Variants in ATRNL1 observed in about 807,000 individuals in gnomAD.
ATRNL1 encodes the protein attractin like 1.
ATRNL1 carries 95 observed loss-of-function variants against 182.7 expected under a neutral mutation model. The observed-to-expected ratio is 0.52, with a 90% CI of 0.44 to 0.62. The LOEUF (loss-of-function observed/expected upper bound fraction) is 0.62, where lower values mean the gene tolerates loss of function less well. ATRNL1 is among the 20% of genes least tolerant of loss of function. The pLI, the probability that ATRNL1 is intolerant of heterozygous loss-of-function variation, is 0.00. For missense variants in ATRNL1, 1,471 were observed against 1,679.5 expected (o/e 0.88, Z 2.17); for synonymous variants, 576 against 568.3 (o/e 1.01, Z -0.19).
intron 26 of ATRNL1, among the ~76,000 whole-genome samples, chr10:115,666,430 C>T (rs1406724665): frequency 5.3e-5 from 8 of 152,224 alleles, no homozygotes; most frequent in South Asian, 2.1e-4. Flanking sequence ...AGAGTTGGCT[C>T]GGTTGCTTTG....
At chr10:115,501,421 A>C (rs1389792732) in intron 24 of ATRNL1, among the ~76,000 whole-genome samples, 1 of 152,160 alleles carries the variant, frequency 6.6e-6, no homozygotes, top group Non-Finnish European at 1.5e-5. Flanking sequence ...ACAAGGTATA[A>C]GGCCAGTTTT....
chr10:115,419,055 A>T (rs1298985085), intron 20 of ATRNL1, among the ~76,000 whole-genome samples: 1 of 152,206 alleles, frequency 6.6e-6, no homozygotes, highest in East Asian at 1.9e-4. Flanking sequence ...GAACGACAAA[A>T]CTATAAAAAA....
At chr10:115,785,489 T>A (rs1453414644) in intron 27 of ATRNL1, among the ~76,000 whole-genome samples, 1 of 152,222 alleles carries the variant, frequency 6.6e-6, no homozygotes, top group Non-Finnish European at 1.5e-5. Flanking sequence ...TCAAAAACTG[T>A]GTTGATTGCT....
intron 23 of ATRNL1, among the ~76,000 whole-genome samples, chr10:115,468,959 C>G (rs1250606874): frequency 1.3e-5 from 2 of 150,628 alleles, no homozygotes; most frequent in African/African-American, 2.4e-5. Context: ...TAGTACATAG[C>G]ACTTAATCAG....
At chr10:115,405,677 T>C (rs1332260461) in intron 20 of ATRNL1, among the ~76,000 whole-genome samples, 1 of 148,690 alleles carries the variant, frequency 6.7e-6, no homozygotes, top group Non-Finnish European at 1.5e-5. Context: ...CACACTTCAT[T>C]CATTTGCCTG....
At chr10:115,922,905 A>C (rs1026889380) in intron 28 of ATRNL1, among the ~76,000 whole-genome samples, 5 of 152,188 alleles carry the variant, frequency 3.3e-5, no homozygotes, top group Non-Finnish European at 7.3e-5. Context: ...TTTTTAACAC[A>C]AGGAAAATAC....
chr10:115,226,783 C>A (rs782494255), intron 9 of ATRNL1, among the ~76,000 whole-genome samples: 1 of 152,024 alleles, frequency 6.6e-6, no homozygotes, highest in South Asian at 2.1e-4. Context: ...CACACACTTA[C>A]AATCATCTGA....
At chr10:115,181,643 T>G (rs1449894831) in intron 8 of ATRNL1, among the ~76,000 whole-genome samples, 2 of 151,760 alleles carry the variant, frequency 1.3e-5, no homozygotes, top group Non-Finnish European at 3.0e-5. Flanking sequence ...AATTCATTAC[T>G]TATCAATTAT....
At chr10:115,576,844 A>G (rs1854742666) in intron 26 of ATRNL1, among the ~76,000 whole-genome samples, 1 of 151,960 alleles carries the variant, frequency 6.6e-6, no homozygotes, top group Non-Finnish European at 1.5e-5. Flanking sequence ...TTATATTTTC[A>G]TCTAAGAGTT....
In ATRNL1 at chr10:115,286,339, TAAC is replaced by T. The variant is rs781899722; in HGVS notation, c.2361_2363del (p.Thr788del). The T allele has an allele frequency of 6.2e-7, 1 of 1,608,190 alleles. No homozygotes were observed. The highest frequency in any genetic ancestry group is 1.3e-5 in the African/African-American group (1 of 74,924). ...AATCTTAGTGGAAATCTTGCTTCAT[TAAC>T]AACCTCAAAAGAAGTAGAATTTGTT... On this transcript the variant is annotated inframe_deletion, in exon 15 of 29. Transcript: ENST00000355044.
intron 26 of ATRNL1, among the ~76,000 whole-genome samples, chr10:115,628,719 G>A (rs1436736258): frequency 6.6e-6 from 1 of 151,970 alleles, no homozygotes; most frequent in African/African-American, 2.4e-5. Flanking sequence ...CTTATAATTA[G>A]GTATTTGATC....
chr10:115,153,717 C>T (rs1318536884), intron 5 of ATRNL1, among the ~76,000 whole-genome samples: 1 of 152,088 alleles, frequency 6.6e-6, no homozygotes, highest in Non-Finnish European at 1.5e-5. Context: ...TCTCTATCTC[C>T]TTCAGTTCTG....
chr10:115,296,341 A>G (rs1853189687), intron 15 of ATRNL1, among the ~76,000 whole-genome samples: 1 of 152,144 alleles, frequency 6.6e-6, no homozygotes, highest in Non-Finnish European at 1.5e-5. Context: ...GTCAAAGCAT[A>G]GCTCTTTATT....
At chr10:115,218,811 C>T (rs920643321) in intron 9 of ATRNL1, among the ~76,000 whole-genome samples, 1 of 152,098 alleles carries the variant, frequency 6.6e-6, no homozygotes, top group Non-Finnish European at 1.5e-5. Flanking sequence ...GTTTTGCAAC[C>T]CATTCTGTGT....
intron 26 of ATRNL1, among the ~76,000 whole-genome samples, chr10:115,618,334 A>G (rs1416755625): frequency 1.3e-5 from 2 of 151,978 alleles, no homozygotes; most frequent in African/African-American, 2.4e-5. Context: ...ATTTTTTACC[A>G]TCTTGTATGT....
chr10:115,141,996 A>G (rs1554878198), intron 5 of ATRNL1, among the ~76,000 whole-genome samples: 9 of 152,020 alleles, frequency 5.9e-5, no homozygotes, highest in Non-Finnish European at 1.5e-5. Flanking sequence ...TTGAGCTTCT[A>G]TTAAGTGCTA....
intron 1 of ATRNL1, among the ~76,000 whole-genome samples, chr10:115,102,461 T>G (rs1554864822): frequency 6.6e-6 from 1 of 152,188 alleles, no homozygotes; most frequent in Non-Finnish European, 1.5e-5. Flanking sequence ...TACATATATT[T>G]GAGATGGAGT....
intron 26 of ATRNL1, among the ~76,000 whole-genome samples, chr10:115,664,357 T>C (rs1253242667): frequency 1.3e-5 from 2 of 152,220 alleles, no homozygotes; most frequent in Non-Finnish European, 2.9e-5. Context: ...ATCTCAAATG[T>C]ATTCTTTCTT....
At chr10:115,395,250 G>A (rs1191494023) in intron 20 of ATRNL1, among the ~76,000 whole-genome samples, 1 of 151,800 alleles carries the variant, frequency 6.6e-6, no homozygotes, top group East Asian at 1.9e-4. Context: ...ATCCAGTCCA[G>A]TGTTGATGGG....
Sources: gnomAD v4.1 joint callset for allele counts (sites outside exome capture counted in the v4.1 genomes callset) on GRCh38, gnomAD v4.1.1 for gene constraint, MANE v1.5 for transcripts, NCBI Gene and HGNC (gene_info 2026-07-23, HGNC 2026-07-21) for gene names.